Variants in LASP1 observed in about 807,000 individuals in gnomAD.
LASP1 encodes LIM and SH3 domain protein 1.
A neutral mutation model predicts 38.6 loss-of-function variants in LASP1; 10 were observed. The ratio of observed to expected loss-of-function variants is 0.26; its 90% CI spans 0.16 to 0.44. LASP1 has a LOEUF of 0.44. Among genes scored for constraint, LASP1 ranks in the 20% least tolerant of loss-of-function variants. The pLI is 1.00. For synonymous variants in LASP1, 132 were observed against 140.8 expected (o/e 0.94, Z 0.44); for missense variants, 243 against 375.7 (o/e 0.65, Z 2.92).
intron 2 of LASP1, among the ~76,000 whole-genome samples, chr17:38,888,151 C>T (rs1914199685): frequency 6.6e-6 from 1 of 152,118 alleles, no homozygotes; most frequent in Admixed American, 6.6e-5. Context: ...CTCATAGCAG[C>T]ACATACACAC....
At chr17:38,917,244 G>T (rs1915158412) in intron 6 of LASP1, among the ~76,000 whole-genome samples, 1 of 152,200 alleles carries the variant, frequency 6.6e-6, no homozygotes, top group Non-Finnish European at 1.5e-5. Flanking sequence ...CAGAATTGGT[G>T]ATGAGAGAGA....
At position 38,870,180 on chromosome 17, in the gene LASP1, T is replaced by C. The variant is rs770958142; in HGVS notation, c.-10T>C. The C allele has an allele frequency of 1.2e-5, 19 of 1,613,390 alleles. No individual in the cohort carries two copies. The highest frequency in any genetic ancestry group is 2.2e-5 in the East Asian group (1 of 44,862). On this transcript the variant is annotated 5_prime_UTR_variant, in exon 1 of 7. Coordinates refer to ENST00000318008, the MANE Select transcript of LASP1 (RefSeq NM_006148.4). ...GCTCAGGCGTCCCCGCCCCAGCTTT[T>C]CTCGGAACCATGAACCCCAACTGCG...
At chr17:38,896,610 C>T (rs1325054472) in intron 3 of LASP1, among the ~76,000 whole-genome samples, 1 of 152,246 alleles carries the variant, frequency 6.6e-6, no homozygotes, top group African/African-American at 2.4e-5. Flanking sequence ...GGGGGACTGG[C>T]ACTCGTTCAG....
chr17:38,909,728 C>CCCAT (rs1914877043), intron 4 of LASP1, among the ~76,000 whole-genome samples: 1 of 149,896 alleles, frequency 6.7e-6, no homozygotes, highest in Non-Finnish European at 1.5e-5. Context: ...TCTTTTTCAT[C>CCCAT]TCATTCATTC....
intron 2 of LASP1, among the ~76,000 whole-genome samples, chr17:38,881,091 A>C (rs1032313989): frequency 2.0e-5 from 3 of 151,832 alleles, no homozygotes; most frequent in African/African-American, 7.3e-5. Context: ...ACAGAGCGAG[A>C]CTCCATCTCA....
intron 2 of LASP1, among the ~76,000 whole-genome samples, chr17:38,888,254 G>C (rs1914203105): frequency 6.6e-6 from 1 of 151,898 alleles, no homozygotes; most frequent in Non-Finnish European, 1.5e-5. Flanking sequence ...CTGAGTTCTA[G>C]TCCTGCACCA....
At chr17:38,875,090 A>ATGTGTGTGTGTGTGTGTGTGTGT (rs1567694260) in intron 1 of LASP1, among the ~76,000 whole-genome samples, 10 of 121,298 alleles carry the variant, frequency 8.2e-5, no homozygotes, top group African/African-American at 2.9e-4. Flanking sequence ...TGTGTGTGTG[A>ATGTGTGTGTGTGTGTGTGTGTGT]GAAAGTGGGT....
chr17:38,893,271 C>T (rs1046161627), intron 3 of LASP1, among the ~76,000 whole-genome samples: 1 of 152,234 alleles, frequency 6.6e-6, no homozygotes, highest in African/African-American at 2.4e-5. Context: ...ATGCACCAGT[C>T]AGCAGCAAGT....
intron 4 of LASP1, chr17:38,898,755 C>T (rs533944880): frequency 2.2e-5 from 13 of 589,908 alleles, no homozygotes; most frequent in African/African-American, 2.2e-4. Context: ...TCTGTGGGGG[C>T]CTGTGTGCTA....
chr17:38,892,154 C>T (rs1032955610), intron 3 of LASP1, among the ~76,000 whole-genome samples: 1 of 152,208 alleles, frequency 6.6e-6, no homozygotes, highest in South Asian at 2.1e-4. Context: ...CCCTGTTTAT[C>T]CTTGACTGGG....
At chr17:38,900,335 G>A (rs1186256963) in intron 4 of LASP1, among the ~76,000 whole-genome samples, 1 of 144,202 alleles carries the variant, frequency 6.9e-6, no homozygotes, top group Non-Finnish European at 1.5e-5. Flanking sequence ...AGCCGTAATT[G>A]CACCACTGCA....
intron 1 of LASP1, among the ~76,000 whole-genome samples, chr17:38,875,168 CAGGCAGGGGCCT>C (rs761181558): frequency 9.9e-5 from 15 of 151,702 alleles, no homozygotes; most frequent in Admixed American, 2.6e-4. Flanking sequence ...GGCAGGGGCC[CAGGCAGGGGCCT>C]AGGCAGGGGC....
Position 38,870,252 on chromosome 17 carries a change from G to A in LASP1, c.63G>A (p.Leu21=), listed in dbSNP as rs756403021. 4 of 1,613,606 alleles carry A rather than the reference G, an allele frequency of 2.5e-6. No homozygotes were observed. The highest frequency in any genetic ancestry group is 3.4e-6 in the Non-Finnish European group (4 of 1,179,696). Reference sequence around the variant, plus strand: ...ATCCCACGGAGAAGGTGAACTGTCTGGATAAGGTGAGCCCGGGACCGGGAG... The same window carrying A: ...ATCCCACGGAGAAGGTGAACTGTCTAGATAAGGTGAGCCCGGGACCGGGAG... ...IVYPTEKVNC[L]DKFWHKACFH... Residue 21 remains leucine (L), a synonymous_variant, in exon 1 of 7, where the codon CTG becomes CTA. Coordinates refer to ENST00000318008, the MANE Select transcript of LASP1 (RefSeq NM_006148.4).
chr17:38,892,962 T>A (rs550142934), intron 3 of LASP1, among the ~76,000 whole-genome samples: 1 of 151,734 alleles, frequency 6.6e-6, no homozygotes, highest in Non-Finnish European at 1.5e-5. Flanking sequence ...TGTGTGTATG[T>A]GTGTGTGTGT....
intron 3 of LASP1, among the ~76,000 whole-genome samples, chr17:38,892,146 C>T (rs929072619): frequency 6.6e-6 from 1 of 152,194 alleles, no homozygotes. Context: ...GTTAGTTCCC[C>T]TGTTTATCCT....
At chr17:38,900,197 CAAAAAA>C (rs56008544) in intron 4 of LASP1, among the ~76,000 whole-genome samples, 16 of 67,584 alleles carry the variant, frequency 2.4e-4, no homozygotes, top group Admixed American at 1.4e-3. Context: ...ACTGTTTCTA[CAAAAAA>C]AAAAAAAAAA....
intron 4 of LASP1, among the ~76,000 whole-genome samples, chr17:38,910,771 G>T (rs946322471): frequency 7.4e-6 from 1 of 134,608 alleles, no homozygotes; most frequent in Admixed American, 7.9e-5. Context: ...TGCCCAGGAT[G>T]CAGTGCAATG....
intron 4 of LASP1, among the ~76,000 whole-genome samples, chr17:38,901,721 G>T (rs763584487): frequency 6.6e-6 from 1 of 152,142 alleles, no homozygotes; most frequent in African/African-American, 2.4e-5. Context: ...CTAAGTCAGA[G>T]GGTGCCAGAT....
intron 2 of LASP1, among the ~76,000 whole-genome samples, chr17:38,889,153 C>G (rs190157449): frequency 6.6e-6 from 1 of 151,974 alleles, no homozygotes; most frequent in African/African-American, 2.4e-5. Flanking sequence ...CTTTTTGAGA[C>G]GTAGTCTGGC....
Sources: gnomAD v4.1 joint callset for allele counts (sites outside exome capture counted in the v4.1 genomes callset) on GRCh38, gnomAD v4.1.1 for gene constraint, MANE v1.5 for transcripts, NCBI Gene and HGNC (gene_info 2026-07-23, HGNC 2026-07-21) for gene names.